Variants in ESF1 observed in about 807,000 individuals in gnomAD.
The protein encoded by ESF1 is ESF1 nucleolar pre-rRNA processing protein.
A neutral mutation model predicts 92.0 loss-of-function variants in ESF1; 58 were observed. That is an observed-to-expected ratio of 0.63 (90% CI 0.51 to 0.78). The LOEUF (loss-of-function observed/expected upper bound fraction) is 0.78, where lower values mean the gene tolerates loss of function less well. ESF1 is among the 30% of genes least tolerant of loss of function. The pLI is 0.00. For synonymous variants in ESF1, 321 were observed against 313.7 expected, an observed-to-expected ratio of 1.02 and a Z score of -0.24; for missense variants, 922 against 989.1, an observed-to-expected ratio of 0.93 and a Z score of 0.91.
chr20:13,783,627 C>G (rs962498068), intron 1 of ESF1, among the ~76,000 whole-genome samples: 2 of 152,138 alleles, frequency 1.3e-5, no homozygotes, highest in Non-Finnish European at 2.9e-5. Flanking sequence ...TCAGGACCAG[C>G]CTGGGTAACA....
intron 10 of ESF1, among the ~76,000 whole-genome samples, chr20:13,728,931 C>A (rs1041858353): frequency 2.0e-5 from 3 of 151,736 alleles, no homozygotes; most frequent in Non-Finnish European, 2.9e-5. Flanking sequence ...GTTTATAAAA[C>A]AACTCCCACC....
At chr20:13,781,966 T>A (rs1980211176) in intron 2 of ESF1, among the ~76,000 whole-genome samples, 1 of 152,176 alleles carries the variant, frequency 6.6e-6, no homozygotes, top group Non-Finnish European at 1.5e-5. Flanking sequence ...AACCTCCACC[T>A]CCCAGGTTCA....
chr20:13,736,009 T>C (rs925158372), intron 9 of ESF1, among the ~76,000 whole-genome samples: 1 of 152,156 alleles, frequency 6.6e-6, no homozygotes, highest in Non-Finnish European at 1.5e-5. Flanking sequence ...AGATCATCTC[T>C]GTGTAATGAT....
At chr20:13,753,377 C>T (rs554391086) in intron 9 of ESF1, among the ~76,000 whole-genome samples, 1 of 150,736 alleles carries the variant, frequency 6.6e-6, no homozygotes, top group East Asian at 1.9e-4. Flanking sequence ...ACTGCCAATT[C>T]CCATCCACTG....
chr20:13,769,077 A>G (rs1231561653), intron 7 of ESF1, among the ~76,000 whole-genome samples: 1 of 151,976 alleles, frequency 6.6e-6, no homozygotes, highest in African/African-American at 2.4e-5. Flanking sequence ...AGAAAAAGGT[A>G]CTCCTATTTT....
Position 13,738,597 on chromosome 20 carries a change from G to A in ESF1, c.1829-4755C>T, listed in dbSNP as rs146148771. Among the ~76,000 whole-genome samples the A allele has an allele frequency of 8.9e-4, 135 of 152,278 alleles. 1 individual carries two copies. Among genetic ancestry groups the A allele is most frequent in the African/African-American group, 3.1e-3 (127 of 41,544 alleles). On this transcript the variant is annotated intron_variant, in intron 9 of 13. Transcript: ENST00000617257. The stretch of plus-strand genomic sequence containing the variant: ...CCCAAAGTGCTGGGATTACGGTCAT[G>A]AGCCACCGTGCCCAGCCTCTCCTAA...
intron 11 of ESF1, among the ~76,000 whole-genome samples, chr20:13,720,664 G>A (rs977130511): frequency 6.6e-6 from 1 of 152,136 alleles, no homozygotes; most frequent in African/African-American, 2.4e-5. Flanking sequence ...TATTAAATAT[G>A]TCTATTATAT....
chr20:13,745,268 T>A (rs1387020447), intron 9 of ESF1, among the ~76,000 whole-genome samples: 3 of 152,162 alleles, frequency 2.0e-5, no homozygotes, highest in Non-Finnish European at 4.4e-5. Context: ...CATGCGTATC[T>A]TCGTGATACA....
In ESF1 at chr20:13,782,078, A is replaced by G. The variant is rs192128200; in HGVS notation, c.637+426T>C. Among the ~76,000 whole-genome samples, 8 of 152,086 alleles carry G rather than the reference A, an allele frequency of 5.3e-5. No individual in the cohort carries two copies. In the East Asian group the frequency reaches 1.5e-3, roughly 29 times the overall value. On this transcript the variant is annotated intron_variant, in intron 2 of 13. Transcript: ENST00000617257. ...TTTTTAGTAGAGATGGGGTTTCACC[A>G]TGTTGGCCAGGCTGGTCTTGAACTC...
chr20:13,771,482 T>C lies in ESF1; in HGVS notation c.1252A>G (p.Thr418Ala), dbSNP rs1239791102. ...TAATCTCTCAATTTTTCTCTAGACGTCCTAAAGTGGGAAAAACTTATTAAG... is the reference window on the plus strand; with the variant it reads ...TAATCTCTCAATTTTTCTCTAGACGCCCTAAAGTGGGAAAAACTTATTAAG... ...IPEDAPEKDW[T>A]SREKLRDYQF... Residue 418 changes from threonine to alanine, a missense_variant and splice_region_variant, in exon 6 of 14, where the codon ACG becomes GCG. Coordinates refer to ENST00000617257, the MANE Select transcript of ESF1 (RefSeq NM_001276380.2). 6.2e-7 allele frequency: 1 copy of C among 1,609,226 alleles called. No homozygotes were observed. The highest frequency in any genetic ancestry group is 1.7e-5 in the Admixed American group (1 of 58,986).
chr20:13,748,621 T>C (rs1978443856), intron 9 of ESF1, among the ~76,000 whole-genome samples: 1 of 146,324 alleles, frequency 6.8e-6, no homozygotes, highest in South Asian at 2.1e-4. Context: ...GGAGTGTTGC[T>C]CTGTTCCCCA....
intron 4 of ESF1, among the ~76,000 whole-genome samples, chr20:13,773,645 A>G (rs1979789660): frequency 6.6e-6 from 1 of 152,040 alleles, no homozygotes; most frequent in Non-Finnish European, 1.5e-5. Context: ...TGTTCTACCA[A>G]TTTGTCCCAT....
intron 9 of ESF1, among the ~76,000 whole-genome samples, chr20:13,747,261 TAAAA>T (rs34422643): frequency 6.9e-6 from 1 of 145,368 alleles, no homozygotes; most frequent in African/African-American, 2.5e-5. Context: ...AGTTGTATAT[TAAAA>T]AAAAAAAAAA....
intron 2 of ESF1, 57 bp downstream of exon 2, chr20:13,782,447 A>G: frequency 7.3e-7 from 1 of 1,362,352 alleles, no homozygotes. Flanking sequence ...TTTTTGAAAG[A>G]TCAGTATAAA....
chr20:13,773,542 C>A (rs1017958685), intron 4 of ESF1, among the ~76,000 whole-genome samples: 2 of 151,846 alleles, frequency 1.3e-5, no homozygotes, highest in African/African-American at 4.8e-5. Flanking sequence ...AAGATCTGAA[C>A]CAAGTTCTCT....
chr20:13,737,094 C>T (rs1364358702), intron 9 of ESF1, among the ~76,000 whole-genome samples: 1 of 152,218 alleles, frequency 6.6e-6, no homozygotes, highest in Admixed American at 6.5e-5. Flanking sequence ...GTTTTAGCCT[C>T]TGAGAGCAGC....
chr20:13,782,789 T>C lies in ESF1; in HGVS notation c.352A>G (p.Lys118Glu). 1 of 1,604,934 alleles carries C rather than the reference T, an allele frequency of 6.2e-7. No individual in the cohort carries two copies. Among genetic ancestry groups the C allele is most frequent in the Non-Finnish European group, 8.5e-7 (1 of 1,177,982 alleles). Reference sequence around the variant, plus strand: ...TCAGAACCCTTGTGATTAGCCTTCTTGGTTTCTTTCTTTTTCTCAACTAGA... The same window carrying C: ...TCAGAACCCTTGTGATTAGCCTTCTCGGTTTCTTTCTTTTTCTCAACTAGA... ...KNLVEKKKET[K>E]KANHKGSENK... Residue 118 changes from lysine to glutamate, a missense_variant, in exon 2 of 14, where the codon AAG becomes GAG. Physicochemically the swap from Lys to Glu is moderately conservative, Grantham distance 56 (BLOSUM62 1). Transcript: ENST00000617257.
intron 9 of ESF1, among the ~76,000 whole-genome samples, chr20:13,736,007 T>A (rs946556317): frequency 1.3e-5 from 2 of 152,112 alleles, no homozygotes; most frequent in African/African-American, 4.8e-5. Context: ...AAAGATCATC[T>A]CTGTGTAATG....
chr20:13,734,968 T>C (rs1488203047), intron 9 of ESF1, among the ~76,000 whole-genome samples: 4 of 152,108 alleles, frequency 2.6e-5, no homozygotes, highest in African/African-American at 9.7e-5. Flanking sequence ...CTCTCTTCTA[T>C]TATCAGATAC....
Sources: gnomAD v4.1 joint callset for allele counts (sites outside exome capture counted in the v4.1 genomes callset) on GRCh38, gnomAD v4.1.1 for gene constraint, MANE v1.5 for transcripts, NCBI Gene and HGNC (gene_info 2026-07-23, HGNC 2026-07-21) for gene names.